DAPK2: variants seen among roughly 807,000 people sequenced by gnomAD.
DAPK2 encodes death-associated protein kinase 2.
In DAPK2, 35 loss-of-function variants were observed where a neutral mutation model predicts 44.1. That is an observed-to-expected ratio of 0.79 (90% CI 0.61 to 1.05). The LOEUF (loss-of-function observed/expected upper bound fraction) is 1.05. Ranked by LOEUF, DAPK2 falls within the 50% of genes least tolerant of loss-of-function variation. DAPK2 has a pLI of 0.00. For missense variants in DAPK2, 453 were observed against 483.2 expected, an observed-to-expected ratio of 0.94 and a Z score of 0.59; for synonymous variants, 174 against 182.6, an observed-to-expected ratio of 0.95 and a Z score of 0.38.
intron 3 of DAPK2, among the ~76,000 whole-genome samples, chr15:63,968,145 G>A (rs2078107505): frequency 6.6e-6 from 1 of 152,156 alleles, no homozygotes; most frequent in Admixed American, 6.5e-5. Context: ...TCCCCTCCAG[G>A]AGACAGAATG....
chr15:63,925,703 C>CAG (rs1382729297), intron 7 of DAPK2, among the ~76,000 whole-genome samples: 2 of 151,940 alleles, frequency 1.3e-5, no homozygotes, highest in African/African-American at 4.8e-5. Context: ...CACACACACA[C>CAG]ACACACACAC....
chr15:63,929,910 T>A, intron 5 of DAPK2: 1 of 480,354 alleles, frequency 2.1e-6, no homozygotes, highest in Non-Finnish European at 3.9e-6. Context: ...CTCACAGGAC[T>A]GTTGGCAGGA....
chr15:64,046,334 A>AGGCGCGGCAGGCGCGGCGGGAGCGGCG (rs2080464364), upstream of DAPK2: 1 of 191,966 alleles, frequency 5.2e-6, no homozygotes, highest in Non-Finnish European at 6.5e-6. The surrounding 1 kb of genome is among the most constrained non-coding windows in gnomAD (Gnocchi z 5.3). Context: ...CGGCCGCGGC[A>AGGCGCGGCAGGCGCGGCGGGAGCGGCG]GGCGCGGCGG....
At chr15:63,934,249 GTT>G (rs772176640) in intron 4 of DAPK2, among the ~76,000 whole-genome samples, 974 of 63,022 alleles carry the variant, frequency 0.015, 1 homozygote, top group African/African-American at 0.06. Context: ...TTTTATCCTA[GTT>G]TTTTTTTTTT....
rs3056984 is a variant in DAPK2, at chr15:63,948,270, C to CAAAAAAAAAAAAAAAA, written c.454-8925_454-8910dup. On this transcript the variant is annotated intron_variant, in intron 3 of 10. Coordinates refer to ENST00000261891, the Ensembl canonical transcript of DAPK2. ...TGCATGATGGAGTGAGACTCCATCT[C>CAAAAAAAAAAAAAAAA]AAAAAAAAAAAAAAAAAAAAAAAAA... is the stretch of plus-strand genomic sequence containing the variant. Among the ~76,000 whole-genome samples the CAAAAAAAAAAAAAAAA allele has an allele frequency of 9.6e-5, 5 of 51,916 alleles. 1 individual carries two copies. The highest frequency in any genetic ancestry group is 6.4e-4 in the Admixed American group (2 of 3,116). The allele number at this position is 51,916 out of a possible 152,430, so 34.1% of individuals were successfully genotyped here.
rs1180476893 is a variant in DAPK2 at position 63,980,168 on chromosome 15, G to A, written c.314+3365C>T. Reference sequence around the variant, plus strand: ...CCAAGCAAGTCATGGGAGCACCAGCGTGACAACTGATGTTACAGATGGTGC... The same window carrying A: ...CCAAGCAAGTCATGGGAGCACCAGCATGACAACTGATGTTACAGATGGTGC... On this transcript the variant is annotated intron_variant, in intron 2 of 10. Coordinates refer to ENST00000261891, the Ensembl canonical transcript of DAPK2. The surrounding 1 kb of genome is among the most constrained non-coding windows in gnomAD (Gnocchi z 4.3). Among the ~76,000 whole-genome samples the A allele has an allele frequency of 7.9e-5, 12 of 152,160 alleles. No homozygotes were observed. Among genetic ancestry groups the A allele is most frequent in the Non-Finnish European group, 1.3e-4 (9 of 68,030 alleles).
intron 1 of DAPK2, among the ~76,000 whole-genome samples, chr15:64,045,425 G>T (rs2080439548): frequency 6.6e-6 from 1 of 152,128 alleles, no homozygotes; most frequent in Non-Finnish European, 1.5e-5. Flanking sequence ...GTTGGGAGTC[G>T]CAGTGTCAGA....
intron 1 of DAPK2, among the ~76,000 whole-genome samples, chr15:64,031,236 C>CT (rs780761441): frequency 0.034 from 4,890 of 141,776 alleles, 109 homozygotes; most frequent in South Asian, 0.096. Flanking sequence ...GGCAGATTTT[C>CT]TTTTTTTTTT....
In DAPK2 at chr15:63,912,911, C is replaced by A. The variant is rs1023237973; in HGVS notation, c.859-714G>T. Among the ~76,000 whole-genome samples, 2 of 152,140 alleles carry A rather than the reference C, an allele frequency of 1.3e-5. No homozygotes were observed. The highest frequency in any genetic ancestry group is 1.9e-4 in the East Asian group (1 of 5,200). On this transcript the variant is annotated intron_variant, in intron 8 of 10. Coordinates refer to ENST00000261891, the Ensembl canonical transcript of DAPK2. This position sits in a 1 kb window ranked among gnomAD's most constrained non-coding sequence, Gnocchi z 4.4. ...TGCGTTCTCCATTCCCTTTTCAACA[C>A]CCCCCTTTTGTAAAATAAGGTTTTG...
chr15:63,993,680 C>T (rs1414788813), intron 1 of DAPK2, among the ~76,000 whole-genome samples: 1 of 152,066 alleles, frequency 6.6e-6, no homozygotes, highest in South Asian at 2.1e-4. Context: ...CTACATATCA[C>T]GGGCAAAGTA....
At position 63,923,137 on chromosome 15, in the gene DAPK2, G is replaced by A; in HGVS notation, c.858+1679C>T. ...CCAGGGCCTCCACATCGTCCTGGAT[G>A]GTATCGTGGGCCTCCACCAGGGCAC... is the stretch of plus-strand genomic sequence containing the variant. On this transcript the variant is annotated intron_variant, in intron 8 of 10. Coordinates refer to ENST00000261891, the Ensembl canonical transcript of DAPK2. This position sits in a 1 kb window ranked among gnomAD's most constrained non-coding sequence, Gnocchi z 4.2. 6.5e-7 allele frequency: 1 copy of A among 1,535,862 alleles called. No individual in the cohort carries two copies. Among genetic ancestry groups the A allele is most frequent in the Non-Finnish European group, 8.7e-7 (1 of 1,146,748 alleles).
At chr15:64,027,316 G>A (rs62021545) in intron 1 of DAPK2, among the ~76,000 whole-genome samples, 30,123 of 151,988 alleles carry the variant, frequency 0.2, 3,062 homozygotes, top group South Asian at 0.24. Flanking sequence ...CCTGGGAGGT[G>A]GAGGTTGCAG....
intron 1 of DAPK2, among the ~76,000 whole-genome samples, chr15:64,011,665 G>A (rs773232597): frequency 4.6e-5 from 7 of 152,152 alleles, no homozygotes; most frequent in Non-Finnish European, 7.4e-5. Flanking sequence ...CTGAACACTC[G>A]AAATGTGGAT....
upstream of DAPK2, chr15:64,040,329 T>A: frequency 7.5e-7 from 1 of 1,324,982 alleles, no homozygotes; most frequent in Non-Finnish European, 1.1e-6. Context: ...CCTAAGAGTC[T>A]AAGGCCTAAA....
intron 1 of DAPK2, among the ~76,000 whole-genome samples, chr15:64,035,249 C>T (rs1387149423): frequency 1.3e-5 from 2 of 152,084 alleles, no homozygotes; most frequent in Non-Finnish European, 2.9e-5. Flanking sequence ...ATGCTGCTTA[C>T]GTTAAATTAC....
At chr15:64,040,781 T>C (rs2080333170), upstream of DAPK2, among the ~76,000 whole-genome samples, 3 of 150,526 alleles carry the variant, frequency 2.0e-5, no homozygotes, top group South Asian at 6.3e-4. Flanking sequence ...TACGGTGGCA[T>C]GCATCTGTAA....
intron 8 of DAPK2, among the ~76,000 whole-genome samples, chr15:63,913,244 C>T (rs902879156): frequency 6.6e-6 from 1 of 152,080 alleles, no homozygotes; most frequent in African/African-American, 2.4e-5. Context: ...ACATTTCTTC[C>T]TGGGGTAATG....
At chr15:64,033,329 A>AGGAAGGAAGGAAGGAAGGAAGG (rs1158179065) in intron 1 of DAPK2, among the ~76,000 whole-genome samples, 63 of 99,130 alleles carry the variant, frequency 6.4e-4, no homozygotes, top group African/African-American at 2.4e-3. Flanking sequence ...AGGAAGGAAA[A>AGGAAGGAAGGAAGGAAGGAAGG]AAAAAATAGC....
At chr15:63,968,281 G>C (rs2078111646) in intron 3 of DAPK2, among the ~76,000 whole-genome samples, 1 of 152,248 alleles carries the variant, frequency 6.6e-6, no homozygotes, top group African/African-American at 2.4e-5. Context: ...CCTAGGCCAA[G>C]GGACCCACGG....
Sources: allele counts gnomAD v4.1 joint callset (sites outside exome capture counted in the v4.1 genomes callset), GRCh38; gene constraint gnomAD v4.1.1; non-coding constraint Gnocchi (gnomAD v3.1); transcripts MANE v1.5; gene names NCBI Gene and HGNC (gene_info 2026-07-23, HGNC 2026-07-21).